Variants in DCLK1 observed in about 807,000 individuals in gnomAD.
DCLK1 encodes the protein doublecortin like kinase 1.
In DCLK1, 16 loss-of-function variants were observed where a neutral mutation model predicts 86.2. The ratio of observed to expected loss-of-function variants is 0.19; its 90% confidence interval spans 0.13 to 0.28. The LOEUF (loss-of-function observed/expected upper bound fraction) is 0.28. DCLK1 is among the 10% of genes least tolerant of loss of function. DCLK1 has a pLI of 1.00. For synonymous variants in DCLK1, 369 were observed against 370.5 expected (o/e 1.00, Z 0.05); for missense variants, 590 against 940.2 (o/e 0.63, Z 4.87).
rs17784758 is a variant in DCLK1, at chr13:35,815,458, T to C, written c.1555-4490A>G. On this transcript the variant is annotated intron_variant, in intron 11 of 16. Coordinates refer to ENST00000360631, the MANE Select transcript of DCLK1 (RefSeq NM_001330071.2). ...GTTTCTACGAATCCAAGGGTAACCC[T>C]GATGAAACGTTGGCTAATGAATTAT... Among the ~76,000 whole-genome samples the C allele has an allele frequency of 3.8e-3, 577 of 152,300 alleles. 9 individuals are homozygous for C. The highest frequency in any genetic ancestry group is 0.027 in the South Asian group (129 of 4,826).
At chr13:35,924,409 G>A (rs57820142) in intron 4 of DCLK1, among the ~76,000 whole-genome samples, 2,456 of 152,242 alleles carry the variant, frequency 0.016, 69 homozygotes, top group African/African-American at 0.056. Flanking sequence ...CAGCACTTTC[G>A]GAGGCTGAGG....
At chr13:35,808,359 G>A in intron 13 of DCLK1, 39 bp from the exon 14 acceptor site, 2 of 1,536,982 alleles carry the variant, frequency 1.3e-6, no homozygotes, top group Non-Finnish European at 1.8e-6. Flanking sequence ...ACAGCACTAA[G>A]ATATCAACTC....
chr13:36,073,168 AACC>A (rs1326097407), intron 3 of DCLK1, among the ~76,000 whole-genome samples: 4 of 152,240 alleles, frequency 2.6e-5, no homozygotes, highest in Non-Finnish European at 5.9e-5. Flanking sequence ...TACAATTGGC[AACC>A]ACCACCACAA....
At chr13:35,979,211 C>T (rs938843425) in intron 3 of DCLK1, among the ~76,000 whole-genome samples, 4 of 152,274 alleles carry the variant, frequency 2.6e-5, no homozygotes, top group Non-Finnish European at 5.9e-5. Context: ...AAGGCAGTAG[C>T]CCAAGGGCTG....
chr13:35,845,210 T>C (rs927371121), intron 6 of DCLK1, among the ~76,000 whole-genome samples: 1 of 152,176 alleles, frequency 6.6e-6, no homozygotes. Flanking sequence ...ATCGCACCAC[T>C]GCACTCCAGC....
At chr13:36,045,312 CTA>C (rs1359320949) in intron 3 of DCLK1, among the ~76,000 whole-genome samples, 49 of 60,286 alleles carry the variant, frequency 8.1e-4, no homozygotes, top group South Asian at 7.7e-3. Flanking sequence ...ATATATATGT[CTA>C]TATATGTGTG....
At chr13:36,085,395 T>A (rs1004926963) in intron 3 of DCLK1, among the ~76,000 whole-genome samples, 4 of 152,152 alleles carry the variant, frequency 2.6e-5, no homozygotes, top group Non-Finnish European at 5.9e-5. Context: ...AAGGTTGGGT[T>A]TTTTTAGAAT....
chr13:36,099,704 T>C (rs1248280405), intron 3 of DCLK1, among the ~76,000 whole-genome samples: 1 of 152,212 alleles, frequency 6.6e-6, no homozygotes, highest in East Asian at 1.9e-4. Flanking sequence ...ATCATCTTAA[T>C]AAAACCCAGG....
chr13:35,830,473 T>C (rs1206846703), intron 8 of DCLK1, among the ~76,000 whole-genome samples: 1 of 152,188 alleles, frequency 6.6e-6, no homozygotes, highest in Non-Finnish European at 1.5e-5. Context: ...CTATATCCTA[T>C]AAGACCACAG....
intron 3 of DCLK1, among the ~76,000 whole-genome samples, chr13:36,040,744 T>C (rs59328397): frequency 0.094 from 14,324 of 152,036 alleles, 1,294 homozygotes; most frequent in East Asian, 0.3. Flanking sequence ...GATTTATCTC[T>C]CCTCCCCCAC....
chr13:35,909,330 C>T (rs1593722361), intron 4 of DCLK1, among the ~76,000 whole-genome samples: 1 of 152,282 alleles, frequency 6.6e-6, no homozygotes, highest in East Asian at 1.9e-4. Flanking sequence ...AATATTTGCA[C>T]ATAAAATGGA....
intron 3 of DCLK1, among the ~76,000 whole-genome samples, chr13:35,980,997 A>G (rs1423854371): frequency 6.6e-6 from 1 of 152,106 alleles, no homozygotes; most frequent in Non-Finnish European, 1.5e-5. Flanking sequence ...TTAAAAGTAA[A>G]TGGATGGGGG....
chr13:36,098,053 T>TA (rs1885076640), intron 3 of DCLK1, among the ~76,000 whole-genome samples: 2 of 152,146 alleles, frequency 1.3e-5, no homozygotes, highest in African/African-American at 2.4e-5. Flanking sequence ...GTTAATGGGG[T>TA]AAAAAATCGA....
At chr13:35,885,266 T>G (rs773684835) in intron 4 of DCLK1, among the ~76,000 whole-genome samples, 1 of 151,742 alleles carries the variant, frequency 6.6e-6, no homozygotes, top group African/African-American at 2.4e-5. Flanking sequence ...ATTTCTCCAA[T>G]CAAAATCATC....
chr13:36,105,662 T>C (rs80126169), intron 3 of DCLK1, among the ~76,000 whole-genome samples: 3,116 of 152,284 alleles, frequency 0.02, 96 homozygotes, highest in African/African-American at 0.071. Flanking sequence ...GCAAATTTCC[T>C]CATTATAAGT....
chr13:35,885,384 C>T (rs1873167237), intron 4 of DCLK1, among the ~76,000 whole-genome samples: 1 of 151,922 alleles, frequency 6.6e-6, no homozygotes. Context: ...AGTGGGAAAC[C>T]AAGAACAAAA....
chr13:35,874,914 G>A (rs1872508622), intron 4 of DCLK1, among the ~76,000 whole-genome samples: 1 of 152,186 alleles, frequency 6.6e-6, no homozygotes, highest in African/African-American at 2.4e-5. Flanking sequence ...CAACCAAACT[G>A]GAATGCCACA....
chr13:35,924,168 C>G (rs575956794), intron 4 of DCLK1, among the ~76,000 whole-genome samples: 91 of 152,290 alleles, frequency 6.0e-4, no homozygotes, highest in African/African-American at 2.1e-3. Flanking sequence ...GCTGCCTCAT[C>G]TGGTTCAAGA....
intron 6 of DCLK1, chr13:35,846,308 T>A: frequency 1.0e-6 from 1 of 985,326 alleles, no homozygotes. Flanking sequence ...CTCAATTCCT[T>A]GCTTACTGAT....
Sources: allele counts gnomAD v4.1 joint callset (sites outside exome capture counted in the v4.1 genomes callset), GRCh38; gene constraint gnomAD v4.1.1; transcripts MANE v1.5; gene names NCBI Gene and HGNC (gene_info 2026-07-23, HGNC 2026-07-21).